FOXN3: variants seen among roughly 807,000 people sequenced by gnomAD.
The protein encoded by FOXN3 is forkhead box protein N3.
In FOXN3, 7 loss-of-function variants were observed where a neutral mutation model predicts 38.4. The ratio of observed to expected loss-of-function variants is 0.18; its 90% CI spans 0.10 to 0.34. The LOEUF is 0.34. Among genes scored for constraint, FOXN3 ranks in the 10% least tolerant of loss-of-function variants. The pLI is 1.00. For missense variants in FOXN3, 456 were observed against 613.4 expected (o/e 0.74, Z 2.71); for synonymous variants, 230 against 242.2 (o/e 0.95, Z 0.47).
intron 1 of FOXN3, among the ~76,000 whole-genome samples, chr14:89,416,192 C>T (rs751177966): frequency 1.3e-5 from 2 of 152,200 alleles, no homozygotes; most frequent in African/African-American, 4.8e-5. Flanking sequence ...TTCAAGGGGA[C>T]CTGCGGGAGT....
intron 2 of FOXN3, among the ~76,000 whole-genome samples, chr14:89,386,575 A>G (rs1172702039): frequency 6.6e-6 from 1 of 152,264 alleles, no homozygotes; most frequent in Admixed American, 6.5e-5. Context: ...ATAGTGCCCA[A>G]CACCTAACAA....
At chr14:89,347,558 C>T (rs186480579) in intron 3 of FOXN3, among the ~76,000 whole-genome samples, 21 of 152,326 alleles carry the variant, frequency 1.4e-4, no homozygotes, top group Admixed American at 1.0e-3. Context: ...AAGTACTCCA[C>T]GCTGAGCTCT....
chr14:89,263,062 G>C (rs1386119005), intron 4 of FOXN3, among the ~76,000 whole-genome samples: 1 of 152,120 alleles, frequency 6.6e-6, no homozygotes, highest in African/African-American at 2.4e-5. Flanking sequence ...AAGTTTTCAA[G>C]CACAATGTTT....
chr14:89,228,172 A>T (rs968461585), intron 4 of FOXN3, among the ~76,000 whole-genome samples: 11 of 152,252 alleles, frequency 7.2e-5, no homozygotes, highest in Admixed American at 6.5e-4. Flanking sequence ...TGTTTGTGGT[A>T]ATTGTTATAC....
At chr14:89,530,598 A>ATATTT (rs938978790) in intron 1 of FOXN3, among the ~76,000 whole-genome samples, 48 of 152,048 alleles carry the variant, frequency 3.2e-4, no homozygotes, top group African/African-American at 7.7e-4. Flanking sequence ...ATATGTATAT[A>ATATTT]TATTTTATTT....
Position 89,417,090 on chromosome 14 carries a change from G to C in FOXN3, c.-234C>G, listed in dbSNP as rs1891763610. 6.9e-6 allele frequency: 1 copy of C among 144,224 alleles called. No homozygotes were observed. The allele number at this position is 144,224 out of a possible 1,614,324, so 8.9% of individuals were successfully genotyped here. On this transcript the variant is annotated 5_prime_UTR_variant, in exon 1 of 6. Transcript: ENST00000557258. ...CGGCATGGGACCTGCGGCGTCCGCC[G>C]GGCGCGCCGCGCGTCCTCCCGCCGG...
At chr14:89,316,669 A>T (rs932148352) in intron 3 of FOXN3, among the ~76,000 whole-genome samples, 7 of 135,286 alleles carry the variant, frequency 5.2e-5, no homozygotes, top group East Asian at 2.2e-4. Context: ...CCTATGATGA[A>T]TTTTTTTTTT....
intron 4 of FOXN3, among the ~76,000 whole-genome samples, chr14:89,201,116 T>A (rs1490297679): frequency 1.3e-5 from 2 of 152,192 alleles, no homozygotes; most frequent in Admixed American, 1.3e-4. Context: ...ATTTTTTAAA[T>A]TTTTTAAAGC....
At chr14:89,573,184 T>A (rs904609291) in intron 1 of FOXN3, among the ~76,000 whole-genome samples, 6 of 152,152 alleles carry the variant, frequency 3.9e-5, no homozygotes. Context: ...CCAGCCCCGA[T>A]TAGATCAGCC....
Position 89,228,420 on chromosome 14 carries a change from G to C in FOXN3, c.746-47614C>G, listed in dbSNP as rs369201114. 1.4e-4 allele frequency among the ~76,000 whole-genome samples: 22 copies of C among 152,294 alleles called. No individual in the cohort carries two copies. The South Asian group carries it at 4.6e-3, about 32-fold the overall frequency. On this transcript the variant is annotated intron_variant, in intron 4 of 5. Coordinates refer to ENST00000557258, the MANE Select transcript of FOXN3 (RefSeq NM_005197.4). Reference sequence around the variant, plus strand: ...TGGTGACATCTGGGAAACTAACAAGGTCACAGTCCGTAAGAATGGCTAAGA... The same window carrying C: ...TGGTGACATCTGGGAAACTAACAAGCTCACAGTCCGTAAGAATGGCTAAGA...
rs1390618269 is a variant in FOXN3, at chr14:89,506,436, C to T, written c.-14-93946G>A. ...AGCCCCTCTGCCTGGCCAGCTGCCCCGACCGGGAGGGAGGTTGGGGGGGTC... is the reference window on the plus strand; with the variant it reads ...AGCCCCTCTGCCTGGCCAGCTGCCCTGACCGGGAGGGAGGTTGGGGGGGTC... On this transcript the variant is annotated intron_variant, in intron 1 of 6. Coordinates refer to the FOXN3 transcript ENST00000345097. 7.5e-5 allele frequency among the ~76,000 whole-genome samples: 11 copies of T among 147,018 alleles called. No homozygotes were observed. In the East Asian group the frequency reaches 1.5e-3, roughly 19 times the overall value.
At chr14:89,455,916 C>A (rs1892712288) in intron 1 of FOXN3, among the ~76,000 whole-genome samples, 1 of 152,186 alleles carries the variant, frequency 6.6e-6, no homozygotes, top group African/African-American at 2.4e-5. Flanking sequence ...TAACCACAGG[C>A]CAGGCGCGGT....
At chr14:89,222,289 C>T (rs996739086) in intron 4 of FOXN3, among the ~76,000 whole-genome samples, 1 of 152,130 alleles carries the variant, frequency 6.6e-6, no homozygotes, top group Non-Finnish European at 1.5e-5. Flanking sequence ...TATACCAGCT[C>T]ATTTTAACAT....
At chr14:89,186,657 G>A (rs910180429) in intron 4 of FOXN3, among the ~76,000 whole-genome samples, 2 of 152,178 alleles carry the variant, frequency 1.3e-5, no homozygotes, top group Non-Finnish European at 2.9e-5. Context: ...TATAGAGCGC[G>A]TGAGACATGG....
At chr14:89,261,733 T>G (rs1402255221) in intron 4 of FOXN3, among the ~76,000 whole-genome samples, 1 of 151,980 alleles carries the variant, frequency 6.6e-6, no homozygotes, top group African/African-American at 2.4e-5. Flanking sequence ...ATCGAGACCA[T>G]CCTGGCTAAC....
At chr14:89,254,231 A>C (rs943170209) in intron 4 of FOXN3, among the ~76,000 whole-genome samples, 2 of 152,240 alleles carry the variant, frequency 1.3e-5, no homozygotes, top group African/African-American at 4.8e-5. Context: ...GGCTCTGCGC[A>C]TAGTAGAAAG....
chr14:89,259,084 G>A (rs1005427770), intron 4 of FOXN3, among the ~76,000 whole-genome samples: 4 of 152,184 alleles, frequency 2.6e-5, no homozygotes, highest in Admixed American at 6.5e-5. Flanking sequence ...CAGATTCTGG[G>A]CCGGACCTCA....
At chr14:89,494,889 A>C (rs562578373) in intron 1 of FOXN3, among the ~76,000 whole-genome samples, 1 of 152,248 alleles carries the variant, frequency 6.6e-6, no homozygotes, top group Non-Finnish European at 1.5e-5. Flanking sequence ...GCCATTATTC[A>C]GAAAGGAATT....
chr14:89,348,950 A>G (rs1888862611), intron 3 of FOXN3, among the ~76,000 whole-genome samples: 1 of 152,150 alleles, frequency 6.6e-6, no homozygotes, highest in South Asian at 2.1e-4. Context: ...GTCTAAAGGA[A>G]CCAATGACAT....
Sources: gnomAD v4.1 joint callset for allele counts (sites outside exome capture counted in the v4.1 genomes callset) on GRCh38, gnomAD v4.1.1 for gene constraint, MANE v1.5 for transcripts, NCBI Gene and HGNC (gene_info 2026-07-23, HGNC 2026-07-21) for gene names.